HECW1: variants seen among roughly 807,000 people sequenced by gnomAD.
HECW1 encodes HECT, C2 and WW domain containing E3 ubiquitin protein ligase 1, also known as E3 ubiquitin-protein ligase HECW1.
Under a neutral mutation model 182.3 loss-of-function variants are expected in HECW1, and 61 were observed. The ratio of observed to expected loss-of-function variants is 0.33; its 90% CI spans 0.27 to 0.41. The LOEUF (loss-of-function observed/expected upper bound fraction) is 0.41, where lower values mean the gene tolerates loss of function less well. Ranked by LOEUF, HECW1 falls within the 10% of genes least tolerant of loss-of-function variation. HECW1 has a pLI of 1.00. For synonymous variants in HECW1, 859 were observed against 832.6 expected (o/e 1.03, Z -0.55); for missense variants, 1,739 against 2,108.9 (o/e 0.82, Z 3.44).
Position 43,308,100 on chromosome 7 carries a change from T to A in HECW1, c.28-3663T>A, listed in dbSNP as rs1480167849. 7.6e-4 allele frequency among the ~76,000 whole-genome samples: 80 copies of A among 105,632 alleles called. 1 individual carries two copies. The highest frequency in any genetic ancestry group is 3.1e-3 in the African/African-American group (76 of 24,718). The allele number at this position is 105,632 out of a possible 152,430, so 69.3% of individuals were successfully genotyped here. On this transcript the variant is annotated intron_variant, in intron 3 of 29. Coordinates refer to ENST00000395891, the MANE Select transcript of HECW1 (RefSeq NM_015052.5). ...ATAATATATTATATATTATATATGT[T>A]ATATATAATATAACATATAATATAT...
At chr7:43,289,119 T>TC (rs1330338751) in intron 3 of HECW1, among the ~76,000 whole-genome samples, 1 of 151,568 alleles carries the variant, frequency 6.6e-6, no homozygotes, top group Non-Finnish European at 1.5e-5. Flanking sequence ...TTTTTTTTTT[T>TC]TTGAGACAGA....
At chr7:43,479,542 A>G (rs1380950576) in intron 16 of HECW1, 68 bp from the exon 17 acceptor site, 1 of 1,591,608 alleles carries the variant, frequency 6.3e-7, no homozygotes, top group Non-Finnish European at 8.6e-7. Context: ...GCACTCCTGT[A>G]TATTACTGAC....
At chr7:43,409,806 C>T (rs75976101) in intron 8 of HECW1, among the ~76,000 whole-genome samples, 70 of 152,322 alleles carry the variant, frequency 4.6e-4, no homozygotes, top group Non-Finnish European at 8.8e-4. Context: ...ACTGTCCATT[C>T]AACCCCTAAA....
intron 8 of HECW1, 115 bp downstream of exon 8, chr7:43,407,846 G>A (rs2075662940): frequency 2.2e-6 from 2 of 921,850 alleles, no homozygotes; most frequent in Non-Finnish European, 3.2e-6. Flanking sequence ...CTCAATCTAT[G>A]GCTGTCATGG....
chr7:43,167,715 G>A (rs1791267077), intron 2 of HECW1, among the ~76,000 whole-genome samples: 1 of 152,130 alleles, frequency 6.6e-6, no homozygotes. Flanking sequence ...CACCCATGTA[G>A]GTATCTTCTA....
At chr7:43,454,434 A>G (rs1013158677) in intron 12 of HECW1, among the ~76,000 whole-genome samples, 4 of 152,232 alleles carry the variant, frequency 2.6e-5, no homozygotes, top group Non-Finnish European at 5.9e-5. Context: ...AAGATTAATT[A>G]CCTAGTAATC....
At chr7:43,478,841 A>T (rs759532439) in intron 16 of HECW1, among the ~76,000 whole-genome samples, 1 of 152,192 alleles carries the variant, frequency 6.6e-6, no homozygotes, top group Non-Finnish European at 1.5e-5. Context: ...ATTATTAATT[A>T]CTAGTATTAT....
At chr7:43,208,133 C>T (rs1288014838) in intron 2 of HECW1, among the ~76,000 whole-genome samples, 2 of 152,148 alleles carry the variant, frequency 1.3e-5, no homozygotes, top group African/African-American at 2.4e-5. Context: ...CATTTCTCTT[C>T]CCTATTATTG....
chr7:43,347,035 G>A (rs758417080), intron 5 of HECW1, among the ~76,000 whole-genome samples: 1 of 152,078 alleles, frequency 6.6e-6, no homozygotes, highest in Admixed American at 6.6e-5. Context: ...GAAGAATGAT[G>A]GTGGTATTCT....
intron 6 of HECW1, among the ~76,000 whole-genome samples, chr7:43,370,607 T>C (rs189281241): frequency 2.6e-4 from 39 of 152,322 alleles, no homozygotes; most frequent in Admixed American, 1.0e-3. Flanking sequence ...GGATGCAAGA[T>C]GTCCTTTAGC....
At chr7:43,486,325 C>A (rs1364209723) in intron 17 of HECW1, among the ~76,000 whole-genome samples, 1 of 151,178 alleles carries the variant, frequency 6.6e-6, no homozygotes, top group East Asian at 1.9e-4. Context: ...CTCACCCTGT[C>A]TCCCAGGCTG....
chr7:43,264,738 G>C (rs531413724), intron 3 of HECW1, among the ~76,000 whole-genome samples: 1 of 151,620 alleles, frequency 6.6e-6, no homozygotes, highest in Non-Finnish European at 1.5e-5. Context: ...CAGTTACTCC[G>C]GTGGCTGAGG....
In HECW1 at chr7:43,493,198, C is replaced by T. The variant is rs199589167; in HGVS notation, c.3437+18C>T. On this transcript the variant is annotated intron_variant, in intron 19 of 29. Coordinates refer to ENST00000395891, the MANE Select transcript of HECW1 (RefSeq NM_015052.5). ...ACACTCAGGTAAGCCTCGCCCCTCA[C>T]TCCCTGGAACTCTAGGTCTTTCCAG... 44 of 1,530,070 alleles carry T rather than the reference C, an allele frequency of 2.9e-5. No homozygotes were observed. In the Admixed American group the frequency reaches 7.3e-4, roughly 25 times the overall value. 94.8% of individuals were successfully genotyped at this position (1,530,070 alleles called of 1,614,324 possible). A position where few individuals can be genotyped will look rare whatever the true frequency, so the allele number is the denominator to read the frequency against.
chr7:43,315,694 A>C (rs1269214688), intron 4 of HECW1, among the ~76,000 whole-genome samples: 1 of 151,930 alleles, frequency 6.6e-6, no homozygotes, highest in Non-Finnish European at 1.5e-5. Flanking sequence ...GGGTTTCACC[A>C]TGTTGGCCAG....
chr7:43,463,530 A>G, intron 13 of HECW1, 130 bp from the exon 14 acceptor site: 3 of 797,302 alleles, frequency 3.8e-6, no homozygotes, highest in Non-Finnish European at 5.9e-6. Context: ...ATCTTGTGGG[A>G]ATTTTAAGCA....
At chr7:43,476,473 C>T (rs2078223316) in intron 16 of HECW1, among the ~76,000 whole-genome samples, 1 of 152,052 alleles carries the variant, frequency 6.6e-6, no homozygotes, top group Non-Finnish European at 1.5e-5. Flanking sequence ...TAAACAAAAT[C>T]CCAATAGAAC....
chr7:43,530,036 G>A (rs1024003196), intron 24 of HECW1, among the ~76,000 whole-genome samples: 1 of 150,778 alleles, frequency 6.6e-6, no homozygotes, highest in African/African-American at 2.4e-5. Context: ...TGCAACCTCC[G>A]CCTCCCAGGT....
intron 2 of HECW1, among the ~76,000 whole-genome samples, chr7:43,215,048 C>T (rs1315135403): frequency 1.3e-5 from 2 of 152,212 alleles, no homozygotes; most frequent in Non-Finnish European, 2.9e-5. Flanking sequence ...TTCCTGCTCT[C>T]CTTGGGTTTG....
chr7:43,229,022 G>A lies in HECW1; in HGVS notation c.-31-14853G>A, dbSNP rs1398316586. The stretch of plus-strand genomic sequence containing the variant: ...ATAGCTTTCAGATTTTCCACAGTAC[G>A]AATGAATTATTTTTGTAATAAAAAG... On this transcript the variant is annotated intron_variant, in intron 2 of 29. Coordinates refer to ENST00000395891, the MANE Select transcript of HECW1 (RefSeq NM_015052.5). Among the ~76,000 whole-genome samples, 5 of 152,060 alleles carry A rather than the reference G, an allele frequency of 3.3e-5. No homozygotes were observed. The South Asian group carries it at 6.2e-4, about 19-fold the overall frequency.
Sources: gnomAD v4.1 joint callset for allele counts (sites outside exome capture counted in the v4.1 genomes callset) on GRCh38, gnomAD v4.1.1 for gene constraint, MANE v1.5 for transcripts, NCBI Gene and HGNC (gene_info 2026-07-23, HGNC 2026-07-21) for gene names.